The following EYA1 variants were observed in gnomAD, a reference collection of about 807,000 sequenced individuals.
EYA1 encodes protein phosphatase EYA1.
In EYA1, 16 loss-of-function variants were observed where a neutral mutation model predicts 82.0. That is an observed-to-expected ratio of 0.20 (90% CI 0.13 to 0.30). EYA1 has a LOEUF of 0.30. EYA1 is among the 10% of genes least tolerant of loss of function. The pLI, the probability that EYA1 is intolerant of heterozygous loss-of-function variation, is 1.00. For synonymous variants in EYA1, 261 were observed against 264.4 expected (o/e 0.99, Z 0.12); for missense variants, 633 against 730.7 (o/e 0.87, Z 1.54).
chr8:71,264,703 C>G (rs1474321266), intron 11 of EYA1, among the ~76,000 whole-genome samples: 3 of 151,932 alleles, frequency 2.0e-5, no homozygotes, highest in African/African-American at 7.3e-5. Flanking sequence ...TCAGCCCTCC[C>G]AAGCAGCTAG....
rs571388281 is a variant in EYA1 at position 71,346,020 on chromosome 8, G to A, written c.124+8762C>T. Among the ~76,000 whole-genome samples, 851 of 150,802 alleles carry A rather than the reference G, an allele frequency of 5.6e-3. 6 individuals are homozygous for A. Among genetic ancestry groups the A allele is most frequent in the East Asian group, 0.026 (129 of 5,054 alleles). Reference sequence around the variant, plus strand: ...CACACACACACGTGCACACGTGCGCGCACACACACACACACTCACTCTTCT... The same window carrying A: ...CACACACACACGTGCACACGTGCGCACACACACACACACACTCACTCTTCT... On this transcript the variant is annotated intron_variant, in intron 3 of 17. Coordinates refer to ENST00000340726, the MANE Select transcript of EYA1 (RefSeq NM_000503.6).
At chr8:71,324,896 T>C (rs1477896734) in intron 4 of EYA1, among the ~76,000 whole-genome samples, 3 of 152,192 alleles carry the variant, frequency 2.0e-5, no homozygotes, top group Non-Finnish European at 4.4e-5. Flanking sequence ...GTCCCAATAA[T>C]GATGTCTCAC....
chr8:71,271,821 C>T lies in EYA1; in HGVS notation c.903G>A (p.Gly301=), dbSNP rs1349506244. The change falls in exon 10 of 18, where the codon GGG becomes GGA. Residue 301 remains glycine (G), a synonymous_variant. Coordinates refer to ENST00000340726, the MANE Select transcript of EYA1 (RefSeq NM_000503.6). Reference sequence around the variant, plus strand: ...TTCTTCGGCCCCGTCCACGTGATTTCCCATCTGAACCTCGACGCAATCGAT... The same window carrying T: ...TTCTTCGGCCCCGTCCACGTGATTTTCCATCTGAACCTCGACGCAATCGAT... The part of the protein sequence containing the change: ...DSDRLRRGSD[G]KSRGRGRRNN... The T allele has an allele frequency of 1.2e-6, 2 of 1,614,026 alleles. No homozygotes were observed. The highest frequency in any genetic ancestry group is 2.7e-5 in the African/African-American group (2 of 74,910).
chr8:71,508,011 A>C (rs1299103616), intron 2 of EYA1, among the ~76,000 whole-genome samples: 1 of 152,192 alleles, frequency 6.6e-6, no homozygotes, highest in Non-Finnish European at 1.5e-5. Flanking sequence ...AGTTAATCTA[A>C]TCATGGCTTG....
rs542447645 is a variant in EYA1 at position 71,434,632 on chromosome 8, A to AT, written c.34-78122dup. Among the ~76,000 whole-genome samples the AT allele has an allele frequency of 1.8e-3, 268 of 152,302 alleles. 1 individual carries two copies. The highest frequency in any genetic ancestry group is 6.6e-3 in the South Asian group (32 of 4,824). ...AAATACTTCACCAGGAACGTCATAC[A>AT]TTTTAACTGTAAAGTTGTTCAGCTT... On this transcript the variant is annotated intron_variant, in intron 2 of 18. Transcript: ENST00000643681.
chr8:71,500,238 G>C (rs973071634), intron 2 of EYA1, among the ~76,000 whole-genome samples: 4 of 152,172 alleles, frequency 2.6e-5, no homozygotes, highest in Non-Finnish European at 5.9e-5. Context: ...AAGAAAAAAA[G>C]ATCAAACATA....
chr8:71,256,728 G>A (rs970017225), intron 11 of EYA1, among the ~76,000 whole-genome samples: 23 of 152,256 alleles, frequency 1.5e-4, no homozygotes, highest in African/African-American at 4.3e-4. Context: ...GGCCAGGCAC[G>A]GTGGCTCATG....
intron 12 of EYA1, among the ~76,000 whole-genome samples, chr8:71,240,444 GGA>G (rs1170101356): frequency 6.6e-6 from 1 of 152,154 alleles, no homozygotes; most frequent in Non-Finnish European, 1.5e-5. Flanking sequence ...CTGAAAGAGT[GGA>G]GAGGGGAGTT....
At chr8:71,484,096 T>C (rs960937094) in intron 2 of EYA1, among the ~76,000 whole-genome samples, 38 of 152,122 alleles carry the variant, frequency 2.5e-4, no homozygotes, top group Non-Finnish European at 4.6e-4. Flanking sequence ...TCCAGGAAGG[T>C]AATATAGCAG....
In EYA1 at chr8:71,211,248, T is replaced by C; in HGVS notation, c.1606A>G (p.Ser536Gly). The change falls in exon 17 of 18, where the codon AGC (serine) becomes GGC (glycine). Residue 536 changes from serine to glycine, a missense_variant. Ser to Gly is a moderately conservative substitution (Grantham distance 56). Transcript: ENST00000340726. ...IYSATKIGKE[S>G]CFERIIQRFG... ...CTTTGAATTATTCTCTCAAAACAGC[T>C]TTCTTTTCCTAGTGAACAAAAATAA... The C allele has an allele frequency of 6.2e-7, 1 of 1,606,832 alleles. No homozygotes were observed. Among genetic ancestry groups the C allele is most frequent in the South Asian group, 1.1e-5 (1 of 90,954 alleles).
At chr8:71,356,831 G>C in intron 1 of EYA1, 1 of 873,774 alleles carries the variant, frequency 1.1e-6, no homozygotes, top group Non-Finnish European at 1.4e-6. Context: ...GCCTTGCCCA[G>C]GCAGCTTGGA....
chr8:71,217,919 C>T (rs996395787), intron 12 of EYA1, among the ~76,000 whole-genome samples: 2 of 152,080 alleles, frequency 1.3e-5, no homozygotes, highest in Admixed American at 6.5e-5. Context: ...TCTTAACCAC[C>T]GTATCCCCAG....
chr8:71,408,096 C>T (rs1281738600), intron 2 of EYA1, among the ~76,000 whole-genome samples: 3 of 152,040 alleles, frequency 2.0e-5, no homozygotes, highest in Non-Finnish European at 4.4e-5. Context: ...GAATTTTCAA[C>T]ACAGAATTTC....
intron 2 of EYA1, among the ~76,000 whole-genome samples, chr8:71,449,412 C>T (rs998401948): frequency 6.6e-6 from 1 of 152,186 alleles, no homozygotes; most frequent in Non-Finnish European, 1.5e-5. Flanking sequence ...TACATCTCCA[C>T]CAGAGCTCTT....
intron 2 of EYA1, among the ~76,000 whole-genome samples, chr8:71,505,912 C>G (rs1204366353): frequency 4.6e-5 from 7 of 152,166 alleles, no homozygotes; most frequent in African/African-American, 1.7e-4. Flanking sequence ...TTCCCCAACA[C>G]TGTTCTCATG....
chr8:71,545,734 T>C (rs1815508170), intron 1 of EYA1, among the ~76,000 whole-genome samples: 1 of 151,968 alleles, frequency 6.6e-6, no homozygotes, highest in Non-Finnish European at 1.5e-5. Context: ...GCTAATTTTT[T>C]GTATTTTTAG....
chr8:71,410,496 A>C, intron 2 of EYA1, among the ~76,000 whole-genome samples: 1 of 108,446 alleles, frequency 9.2e-6, no homozygotes, highest in Middle Eastern at 4.4e-3. Context: ...TCTCAGCCCA[A>C]AATCTCCTTA....
intron 10 of EYA1, chr8:71,270,138 C>G (rs772024059): frequency 1.5e-4 from 41 of 276,498 alleles, no homozygotes; most frequent in Admixed American, 1.9e-4. Flanking sequence ...TGAGTTATAG[C>G]TAGTCTGGTT....
chr8:71,369,162 C>A (rs1253326241), intron 2 of EYA1, among the ~76,000 whole-genome samples: 1 of 142,472 alleles, frequency 7.0e-6, no homozygotes, highest in African/African-American at 2.7e-5. Context: ...CAGATCACAT[C>A]ACTGCTCTCC....
Sources: allele counts gnomAD v4.1 joint callset (sites outside exome capture counted in the v4.1 genomes callset), GRCh38; gene constraint gnomAD v4.1.1; transcripts MANE v1.5; gene names NCBI Gene and HGNC (gene_info 2026-07-23, HGNC 2026-07-21).